Variants in SHISA9 observed in about 807,000 individuals in gnomAD.
The protein encoded by SHISA9 is shisa family member 9.
A neutral mutation model predicts 38.0 loss-of-function variants in SHISA9; 13 were observed. The observed-to-expected ratio is 0.34, with a 90% confidence interval of 0.22 to 0.54. The LOEUF is 0.54. Ranked by LOEUF, SHISA9 falls within the 20% of genes least tolerant of loss-of-function variation. The pLI, the probability that SHISA9 is intolerant of heterozygous loss-of-function variation, is 0.91. For missense variants in SHISA9, 538 were observed against 575.8 expected (o/e 0.93, Z 0.67); for synonymous variants, 275 against 242.0 (o/e 1.14, Z -1.27).
At chr16:13,196,086 TCA>T (rs2050936496) in intron 2 of SHISA9, among the ~76,000 whole-genome samples, 1 of 19,350 alleles carries the variant, frequency 5.2e-5, no homozygotes. Context: ...AGACTCTCTC[TCA>T]AAAAAAAAAA....
At chr16:13,388,004 C>T in the SHISA9 span, among the ~76,000 whole-genome samples, 2 of 152,104 alleles carry the variant, frequency 1.3e-5, no homozygotes, top group Non-Finnish European at 1.5e-5. Context: ...TACTGAGAGC[C>T]GTGAAGCCTC....
the SHISA9 span, among the ~76,000 whole-genome samples, chr16:13,503,960 A>C: frequency 6.6e-6 from 1 of 152,170 alleles, no homozygotes; most frequent in African/African-American, 2.4e-5. Context: ...ATAAATTATC[A>C]AAAAGAAGGA....
the SHISA9 span, among the ~76,000 whole-genome samples, chr16:13,502,326 G>C: frequency 6.6e-6 from 1 of 152,122 alleles, no homozygotes; most frequent in Non-Finnish European, 1.5e-5. Flanking sequence ...ACTAACATCT[G>C]TCTAATGTGC....
the SHISA9 span, among the ~76,000 whole-genome samples, chr16:13,509,840 T>G: frequency 0.012 from 1,876 of 152,290 alleles, 15 homozygotes; most frequent in Non-Finnish European, 0.017. Context: ...GAGCCAAGCT[T>G]CAAATCCTGG....
intron 2 of SHISA9, among the ~76,000 whole-genome samples, chr16:13,192,964 A>AAAGAAG (rs1480965549): frequency 6.6e-6 from 1 of 151,342 alleles, no homozygotes; most frequent in Non-Finnish European, 1.5e-5. Context: ...AGGAGGAGGA[A>AAAGAAG]AAGAAGAAGA....
intron 2 of SHISA9, among the ~76,000 whole-genome samples, chr16:13,011,344 G>A (rs1216029601): frequency 8.2e-6 from 1 of 122,378 alleles, no homozygotes; most frequent in Non-Finnish European, 1.6e-5. Flanking sequence ...TTTGGCAAGA[G>A]CAGCTACAAT....
chr16:13,042,208 G>A (rs748059124), intron 2 of SHISA9, among the ~76,000 whole-genome samples: 22 of 152,256 alleles, frequency 1.4e-4, no homozygotes, highest in Non-Finnish European at 2.6e-4. Context: ...TGCACTGGTC[G>A]CTACCTTTAC....
At chr16:13,446,928 C>A in the SHISA9 span, among the ~76,000 whole-genome samples, 1 of 150,150 alleles carries the variant, frequency 6.7e-6, no homozygotes, top group Non-Finnish European at 1.5e-5. Flanking sequence ...TGTGGTGAAC[C>A]GAGATCTTGC....
At chr16:13,319,937 G>A in the SHISA9 span, among the ~76,000 whole-genome samples, 1 of 152,140 alleles carries the variant, frequency 6.6e-6, no homozygotes, top group Admixed American at 6.5e-5. Context: ...AGGAAAATCT[G>A]CAATTATAAT....
the SHISA9 span, among the ~76,000 whole-genome samples, chr16:13,467,642 C>T: frequency 6.6e-6 from 1 of 152,206 alleles, no homozygotes; most frequent in Non-Finnish European, 1.5e-5. Flanking sequence ...AGAACCCTGA[C>T]ACTCACAATT....
At chr16:13,115,357 C>G (rs1462666610) in intron 2 of SHISA9, among the ~76,000 whole-genome samples, 2 of 152,174 alleles carry the variant, frequency 1.3e-5, no homozygotes, top group African/African-American at 4.8e-5. Context: ...AACAGCAAAC[C>G]AGTCATTATC....
At chr16:13,410,886 A>AT in the SHISA9 span, among the ~76,000 whole-genome samples, 11 of 151,992 alleles carry the variant, frequency 7.2e-5, no homozygotes, top group African/African-American at 2.4e-4. Context: ...GTAACTGACA[A>AT]TTTTTTTTCT....
At chr16:13,432,529 A>G in the SHISA9 span, among the ~76,000 whole-genome samples, 1 of 152,214 alleles carries the variant, frequency 6.6e-6, no homozygotes, top group African/African-American at 2.4e-5. Context: ...ATAGTTATCC[A>G]CAAAAATTGA....
chr16:13,462,851 A>G, the SHISA9 span, among the ~76,000 whole-genome samples: 1 of 151,686 alleles, frequency 6.6e-6, no homozygotes, highest in Non-Finnish European at 1.5e-5. Context: ...AATCCTAGCT[A>G]CTCAGGAGGC....
At chr16:12,964,309 A>C (rs1037268319) in intron 2 of SHISA9, among the ~76,000 whole-genome samples, 1 of 152,172 alleles carries the variant, frequency 6.6e-6, no homozygotes, top group African/African-American at 2.4e-5. Context: ...AAAGGTCCCA[A>C]ATTAATTCCA....
At chr16:13,225,934 A>G (rs1343370228) in intron 4 of SHISA9, among the ~76,000 whole-genome samples, 1 of 152,242 alleles carries the variant, frequency 6.6e-6, no homozygotes, top group Non-Finnish European at 1.5e-5. Context: ...GTAAATGAAG[A>G]AAAGTCAAAT....
chr16:13,221,243 A>G (rs1036003469), intron 4 of SHISA9, among the ~76,000 whole-genome samples: 1 of 152,158 alleles, frequency 6.6e-6, no homozygotes, highest in Non-Finnish European at 1.5e-5. Context: ...GTGTCTCTGC[A>G]GCAAGGCCCG....
chr16:13,324,243 C>A, the SHISA9 span, among the ~76,000 whole-genome samples: 2 of 152,124 alleles, frequency 1.3e-5, no homozygotes, highest in Non-Finnish European at 1.5e-5. Flanking sequence ...CTTTATAGAA[C>A]GCAGAATGGA....
intron 2 of SHISA9, among the ~76,000 whole-genome samples, chr16:12,968,600 A>T (rs1175380473): frequency 6.6e-6 from 1 of 152,226 alleles, no homozygotes; most frequent in African/African-American, 2.4e-5. Flanking sequence ...AACAGCTACA[A>T]CTGTATGTGT....
Sources: allele counts gnomAD v4.1 joint callset (sites outside exome capture counted in the v4.1 genomes callset), GRCh38; gene constraint gnomAD v4.1.1; transcripts MANE v1.5; gene names NCBI Gene and HGNC (gene_info 2026-07-23, HGNC 2026-07-21).